The following COL23A1 variants were observed in gnomAD, a reference collection of about 807,000 sequenced individuals.
The protein encoded by COL23A1 is collagen alpha-1(XXIII) chain.
In COL23A1, 97 loss-of-function variants were observed where a neutral mutation model predicts 99.3. The observed-to-expected ratio is 0.98, with a 90% CI of 0.83 to 1.16. The LOEUF (loss-of-function observed/expected upper bound fraction) is 1.16, where lower values mean the gene tolerates loss of function less well. Among genes scored for constraint, COL23A1 ranks in the 50% most tolerant of loss-of-function variants. COL23A1 has a pLI of 0.00. For synonymous variants in COL23A1, 320 were observed against 308.2 expected (o/e 1.04, Z -0.40); for missense variants, 762 against 757.4 (o/e 1.01, Z -0.07).
intron 1 of COL23A1, among the ~76,000 whole-genome samples, chr5:178,564,114 T>C (rs1408486275): frequency 6.6e-6 from 1 of 152,250 alleles, no homozygotes; most frequent in Non-Finnish European, 1.5e-5. Flanking sequence ...AAGGATTTTA[T>C]CAACACTGAT....
rs1329557762 is a variant in COL23A1 at position 178,269,409 on chromosome 5, A to G, written c.469-653T>C. Among the ~76,000 whole-genome samples, 205 of 93,362 alleles carry G rather than the reference A, an allele frequency of 2.2e-3. 4 individuals carry two copies. The highest frequency in any genetic ancestry group is 7.3e-3 in the African/African-American group (190 of 25,978). The allele number at this position is 93,362 out of a possible 152,430, so 61.2% of individuals were successfully genotyped here. The stretch of plus-strand genomic sequence containing the variant: ...CATCCACCCACCCATCCATCCAACC[A>G]TCCATCCACCCGTCCATCCACCCAC... On this transcript the variant is annotated intron_variant, in intron 6 of 28. Coordinates refer to ENST00000390654, the MANE Select transcript of COL23A1 (RefSeq NM_173465.4).
chr5:178,568,607 TC>T (rs1762945177), intron 1 of COL23A1, among the ~76,000 whole-genome samples: 1 of 152,220 alleles, frequency 6.6e-6, no homozygotes. Flanking sequence ...TAACCCCAGC[TC>T]CTGCAACCAC....
intron 5 of COL23A1, among the ~76,000 whole-genome samples, chr5:178,277,918 G>A (rs539032683): frequency 3.5e-4 from 53 of 152,328 alleles, no homozygotes; most frequent in African/African-American, 1.2e-3. Flanking sequence ...GGTGAGGGAG[G>A]ATGGAGGATG....
intron 17 of COL23A1, among the ~76,000 whole-genome samples, chr5:178,250,978 CAAAAAA>C (rs558621690): frequency 1.4e-5 from 1 of 72,094 alleles, no homozygotes; most frequent in African/African-American, 5.1e-5. Flanking sequence ...GACTCCGTCT[CAAAAAA>C]AAAAAAAAAA....
chr5:178,562,021 G>T (rs764563500), intron 1 of COL23A1: 1 of 512,916 alleles, frequency 1.9e-6, no homozygotes, highest in Admixed American at 2.3e-5. Flanking sequence ...AACAGAAGAA[G>T]TTACCACGGT....
intron 2 of COL23A1, among the ~76,000 whole-genome samples, chr5:178,419,682 C>G (rs923615813): frequency 6.6e-6 from 1 of 152,214 alleles, no homozygotes; most frequent in Non-Finnish European, 1.5e-5. Context: ...CTGAGAAGGA[C>G]TCAGTACTTC....
intron 2 of COL23A1, among the ~76,000 whole-genome samples, chr5:178,521,480 C>G (rs1005340746): frequency 6.7e-6 from 1 of 149,428 alleles, no homozygotes; most frequent in East Asian, 2.0e-4. Flanking sequence ...GTGAACCCAG[C>G]AGGCGGAGCT....
intron 2 of COL23A1, among the ~76,000 whole-genome samples, chr5:178,401,031 C>T (rs550525831): frequency 6.6e-5 from 10 of 152,364 alleles, no homozygotes; most frequent in Non-Finnish European, 1.3e-4. Context: ...CTGGTAACCT[C>T]CACTCTACTT....
intron 2 of COL23A1, among the ~76,000 whole-genome samples, chr5:178,397,497 C>A (rs985422573): frequency 6.6e-6 from 1 of 152,248 alleles, no homozygotes; most frequent in Non-Finnish European, 1.5e-5. Context: ...AACTATACTG[C>A]CCCTTCTAAC....
rs1393777973 is a variant in COL23A1, at chr5:178,425,461, A to G, written c.362-118542T>C. ...AATAAATAAATAAATAAATAAATAA[A>G]TAAATAAAAATAAAATAAAGCCAAT... is the stretch of plus-strand genomic sequence containing the variant. On this transcript the variant is annotated intron_variant, in intron 2 of 28. Coordinates refer to ENST00000390654, the MANE Select transcript of COL23A1 (RefSeq NM_173465.4). 6.1e-5 allele frequency among the ~76,000 whole-genome samples: 9 copies of G among 147,830 alleles called. No individual in the cohort carries two copies. In the East Asian group the frequency reaches 1.8e-3, roughly 29 times the overall value.
At chr5:178,276,640 C>T (rs568892497) in intron 5 of COL23A1, among the ~76,000 whole-genome samples, 7 of 152,292 alleles carry the variant, frequency 4.6e-5, no homozygotes, top group Admixed American at 3.3e-4. Flanking sequence ...CAGCACCATA[C>T]GGTTCTGATT....
intron 2 of COL23A1, among the ~76,000 whole-genome samples, chr5:178,532,459 C>G (rs576850280): frequency 6.6e-6 from 1 of 152,294 alleles, no homozygotes; most frequent in African/African-American, 2.4e-5. Flanking sequence ...GAGACACAGA[C>G]TCAGCCGAGC....
intron 2 of COL23A1, among the ~76,000 whole-genome samples, chr5:178,461,482 C>T (rs759677468): frequency 3.4e-4 from 51 of 152,192 alleles, no homozygotes; most frequent in Non-Finnish European, 4.7e-4. Context: ...AGGGCCTATT[C>T]GGCATCATGG....
chr5:178,335,727 C>T (rs1760280142), intron 2 of COL23A1, among the ~76,000 whole-genome samples: 1 of 152,216 alleles, frequency 6.6e-6, no homozygotes, highest in Non-Finnish European at 1.5e-5. Flanking sequence ...GGAAGATCCG[C>T]AGCAAGCTCC....
Position 178,560,552 on chromosome 5 carries a change from G to A in COL23A1, c.361+130C>T, listed in dbSNP as rs943490372. The A allele has an allele frequency of 9.9e-6, 7 of 705,946 alleles. No individual in the cohort carries two copies. The Admixed American group carries it at 1.6e-4, about 16-fold the overall frequency. 43.7% of individuals were successfully genotyped at this position (705,946 alleles called of 1,614,324 possible). On this transcript the variant is annotated intron_variant, in intron 2 of 28. Transcript: ENST00000390654. ...TGCCAGGGTCAATGTGGGAAAGAAA[G>A]GCCCCAGGCCAGTGCACGAAGACGA...
At chr5:178,585,725 A>ACGCCCTACAG (rs1763946701) in intron 1 of COL23A1, among the ~76,000 whole-genome samples, 1 of 125,692 alleles carries the variant, frequency 8.0e-6, no homozygotes, top group South Asian at 2.4e-4. Flanking sequence ...CGCTGGGGTA[A>ACGCCCTACAG]CACTCCACAG....
chr5:178,327,680 A>G (rs962113179), intron 2 of COL23A1, among the ~76,000 whole-genome samples: 5 of 152,156 alleles, frequency 3.3e-5, no homozygotes, highest in African/African-American at 1.2e-4. Context: ...ACACTGGCAG[A>G]CAGTGCACGT....
intron 3 of COL23A1, among the ~76,000 whole-genome samples, chr5:178,305,355 C>T (rs1160460560): frequency 6.6e-6 from 1 of 152,038 alleles, no homozygotes; most frequent in Non-Finnish European, 1.5e-5. Context: ...CGCCCAGCTC[C>T]AGGGAGAAGA....
At chr5:178,571,009 C>G (rs935148597) in intron 1 of COL23A1, among the ~76,000 whole-genome samples, 2 of 151,974 alleles carry the variant, frequency 1.3e-5, no homozygotes, top group African/African-American at 4.8e-5. Flanking sequence ...ACACTGGGGC[C>G]GGGAGAATGC....
Sources: gnomAD v4.1 joint callset for allele counts (sites outside exome capture counted in the v4.1 genomes callset) on GRCh38, gnomAD v4.1.1 for gene constraint, MANE v1.5 for transcripts, NCBI Gene and HGNC (gene_info 2026-07-23, HGNC 2026-07-21) for gene names.